KCNG2: variants seen among roughly 807,000 people sequenced by gnomAD.
KCNG2 encodes the protein potassium voltage-gated channel modifier subfamily G member 2.
A neutral mutation model predicts 12.3 loss-of-function variants in KCNG2; 7 were observed. That is an observed-to-expected ratio of 0.57 (90% confidence interval 0.32 to 1.07). The LOEUF is 1.07. KCNG2 is among the 50% of genes least tolerant of loss of function. The pLI, the probability that KCNG2 is intolerant of heterozygous loss-of-function variation, is 0.04. For synonymous variants in KCNG2, 414 were observed against 351.4 expected (o/e 1.18, Z -1.99); for missense variants, 703 against 726.0 (o/e 0.97, Z 0.36).
Position 79,823,848 on chromosome 18 carries a change from A to G in KCNG2, c.-115+25834A>G, listed in dbSNP as rs376945699. On this transcript the variant is annotated intron_variant, in intron 1 of 3. Coordinates refer to ENST00000316249, the MANE Select transcript of KCNG2 (RefSeq NM_012283.2). ...AACACCAAGAGGAAGCCACCTCCACAGCGCCAAGTCTCCTGTCCAGGAGCA... is the reference window on the plus strand; with the variant it reads ...AACACCAAGAGGAAGCCACCTCCACGGCGCCAAGTCTCCTGTCCAGGAGCA... Among the ~76,000 whole-genome samples, 103 of 152,326 alleles carry G rather than the reference A, an allele frequency of 6.8e-4. 1 individual carries two copies. The highest frequency in any genetic ancestry group is 2.4e-3 in the African/African-American group (100 of 41,578).
intron 1 of KCNG2, among the ~76,000 whole-genome samples, chr18:79,854,002 T>TG (rs1475089357): frequency 6.6e-6 from 1 of 152,220 alleles, no homozygotes; most frequent in African/African-American, 2.4e-5. Flanking sequence ...CCACCACGCA[T>TG]GGGAGGAATG....
chr18:79,899,636 C>T lies in KCNG2; in HGVS notation c.1221C>T (p.Thr407=). 2.5e-6 allele frequency: 4 copies of T among 1,604,280 alleles called. No individual in the cohort carries two copies. The highest frequency in any genetic ancestry group is 3.4e-6 in the Non-Finnish European group (4 of 1,175,486). Residue 407 remains threonine, a synonymous_variant, in exon 4 of 4, where the codon ACC becomes ACT. Transcript: ENST00000316249. ...TCCCGGTCACCTCCATCTTCCACAC[C>T]TTTTCGCGCTCCTACTCCGAGCTCA... ...MAFPVTSIFH[T]FSRSYSELKE... is the part of the protein sequence containing the mutation.
chr18:79,889,559 A>G (rs987155137), intron 3 of KCNG2, among the ~76,000 whole-genome samples: 10 of 152,218 alleles, frequency 6.6e-5, no homozygotes, highest in Admixed American at 2.0e-4. Context: ...TTGCGAGTGT[A>G]TAGAGATAAA....
intron 3 of KCNG2, among the ~76,000 whole-genome samples, chr18:79,866,841 G>GGTC (rs1979597591): frequency 1.0e-4 from 5 of 48,184 alleles, no homozygotes; most frequent in South Asian, 9.1e-4. Context: ...TGTGCTGAGA[G>GGTC]TGTGGGTGCT....
At chr18:79,895,247 C>T (rs551020250) in intron 3 of KCNG2, among the ~76,000 whole-genome samples, 22 of 151,082 alleles carry the variant, frequency 1.5e-4, no homozygotes, top group African/African-American at 4.6e-4. Context: ...TTGTTCATGC[C>T]GTTAGTAACG....
chr18:79,865,518 TG>T (rs1979460152), intron 3 of KCNG2, among the ~76,000 whole-genome samples: 1 of 74,606 alleles, frequency 1.3e-5, no homozygotes, highest in Non-Finnish European at 3.0e-5. Flanking sequence ...GAGGTCTGGG[TG>T]CTGAGGTCTG....
rs766097351 is a variant in KCNG2 at position 79,899,682 on chromosome 18, G to A, written c.1267G>A (p.Ala423Thr). ...SELKEQQQRA[A>T]SPEPALQEDS... ...GCTCAAGGAGCAGCAGCAGCGCGCG[G>A]CCAGCCCCGAGCCGGCCCTGCAGGA... Residue 423 changes from alanine to threonine, a missense_variant, in exon 4 of 4, where the codon GCC (alanine) becomes ACC (threonine). By Grantham distance (58) the Ala-to-Thr change is moderately conservative. Coordinates refer to ENST00000316249, the MANE Select transcript of KCNG2 (RefSeq NM_012283.2). 2.5e-6 allele frequency: 4 copies of A among 1,607,646 alleles called. No homozygotes were observed. In the African/African-American group the frequency reaches 5.4e-5, roughly 22 times the overall value.
Position 79,899,026 on chromosome 18 carries a change from C to T in KCNG2, c.625-14C>T. The T allele has an allele frequency of 2.0e-6, 3 of 1,529,466 alleles. No homozygotes were observed. Among genetic ancestry groups the T allele is most frequent in the South Asian group, 1.3e-5 (1 of 79,804 alleles). 94.7% of individuals were successfully genotyped at this position (1,529,466 alleles called of 1,614,324 possible). A position where few individuals can be genotyped will look rare whatever the true frequency, so the allele number is the denominator to read the frequency against. ...AGGCCTGCGCCCCCAACCCCGTGTC[C>T]CCTCTCCCCGCAGGGCGAGTGCTCC... On this transcript the variant is annotated splice_polypyrimidine_tract_variant and intron_variant, in intron 3 of 3. Transcript: ENST00000316249.
At chr18:79,896,356 A>C (rs1980975360) in intron 3 of KCNG2, among the ~76,000 whole-genome samples, 1 of 151,872 alleles carries the variant, frequency 6.6e-6, no homozygotes, top group Admixed American at 6.6e-5. Flanking sequence ...AACCTACTTC[A>C]GGTTTGTGCG....
intron 1 of KCNG2, among the ~76,000 whole-genome samples, chr18:79,799,588 A>G (rs756244137): frequency 2.6e-4 from 39 of 152,264 alleles, no homozygotes; most frequent in African/African-American, 7.5e-4. Context: ...AACAACTTCC[A>G]GGTCTGTCCA....
intron 3 of KCNG2, among the ~76,000 whole-genome samples, chr18:79,867,607 G>A (rs898420259): frequency 4.6e-5 from 7 of 151,040 alleles, no homozygotes; most frequent in Non-Finnish European, 8.9e-5. Context: ...GGGGGGGACC[G>A]TGAGCTCCGG....
chr18:79,837,196 C>T (rs1978336851), intron 1 of KCNG2, among the ~76,000 whole-genome samples: 1 of 152,226 alleles, frequency 6.6e-6, no homozygotes. Flanking sequence ...GCAGGTCAGC[C>T]ATTAAATCTT....
intron 1 of KCNG2, among the ~76,000 whole-genome samples, chr18:79,811,048 T>C (rs1484119272): frequency 1.3e-5 from 2 of 152,250 alleles, no homozygotes; most frequent in Non-Finnish European, 2.9e-5. Context: ...ACTTGTATGC[T>C]GAGAACTACA....
At chr18:79,853,638 C>T (rs542731679) in intron 1 of KCNG2, among the ~76,000 whole-genome samples, 2 of 151,866 alleles carry the variant, frequency 1.3e-5, no homozygotes, top group African/African-American at 4.9e-5. Flanking sequence ...ACAGGAAGCT[C>T]AGAGCAGAGG....
At chr18:79,856,486 C>T (rs758581110) in intron 2 of KCNG2, among the ~76,000 whole-genome samples, 34 bp downstream of exon 2, 47 of 152,180 alleles carry the variant, frequency 3.1e-4, no homozygotes, top group Non-Finnish European at 5.6e-4. Flanking sequence ...GGCAAGAAAC[C>T]TCAAGTCGTA....
intron 1 of KCNG2, among the ~76,000 whole-genome samples, chr18:79,825,130 A>G (rs28499302): frequency 0.066 from 10,083 of 152,228 alleles, 630 homozygotes; most frequent in African/African-American, 0.16. Flanking sequence ...TGTTTCTTCA[A>G]TGGAAATGGG....
intron 3 of KCNG2, among the ~76,000 whole-genome samples, chr18:79,866,701 GGTGCTGAGAAGTCTGT>G (rs1568262863): frequency 3.0e-5 from 2 of 67,668 alleles, no homozygotes; most frequent in Non-Finnish European, 3.4e-5. Flanking sequence ...GAGAGGTCTG[GGTGCTGAGAAGTCTGT>G]GTGCTGAGAG....
At chr18:79,817,228 TGTCA>T (rs1286049284) in intron 1 of KCNG2, among the ~76,000 whole-genome samples, 4 of 151,808 alleles carry the variant, frequency 2.6e-5, no homozygotes, top group Non-Finnish European at 5.9e-5. Context: ...GCCACACGGC[TGTCA>T]CACACCTGCC....
Position 79,864,246 on chromosome 18 carries a change from C to T in KCNG2, c.579C>T (p.Gly193=). Reference sequence around the variant, plus strand: ...CCTTCGTGGCCGTCACGGCCGTGGGCCTCTGCCTGAGCACCATGCCGGACA... The same window carrying T: ...CCTTCGTGGCCGTCACGGCCGTGGGTCTCTGCCTGAGCACCATGCCGGACA... The part of the protein sequence containing the change: ...SVSFVAVTAV[G]LCLSTMPDIR... Residue 193 remains glycine (G), a synonymous_variant, in exon 3 of 4, where the codon GGC becomes GGT. Transcript: ENST00000316249. 1.3e-6 allele frequency: 2 copies of T among 1,552,062 alleles called. No individual in the cohort carries two copies. Among genetic ancestry groups the T allele is most frequent in the East Asian group, 2.6e-5 (1 of 38,154 alleles).
Sources: allele counts gnomAD v4.1 joint callset (sites outside exome capture counted in the v4.1 genomes callset), GRCh38; gene constraint gnomAD v4.1.1; transcripts MANE v1.5; gene names NCBI Gene and HGNC (gene_info 2026-07-23, HGNC 2026-07-21).